Variants in RBFOX1 observed in about 807,000 individuals in gnomAD.
RBFOX1 encodes RNA binding protein fox-1 homolog 1.
A neutral mutation model predicts 57.7 loss-of-function variants in RBFOX1; 8 were observed. That is an observed-to-expected ratio of 0.14 (90% CI 0.08 to 0.25). The LOEUF (loss-of-function observed/expected upper bound fraction) is 0.25, where lower values mean the gene tolerates loss of function less well. Among genes scored for constraint, RBFOX1 ranks in the 10% least tolerant of loss-of-function variants. The probability of loss-of-function intolerance (pLI) is 1.00; values close to 1 mark genes in which losing one functional copy is unlikely to be tolerated. For synonymous variants in RBFOX1, 326 were observed against 222.4 expected, an observed-to-expected ratio of 1.47 and a Z score of -4.15; for missense variants, 611 against 548.5, an observed-to-expected ratio of 1.11 and a Z score of -1.14.
chr16:6,420,495 GA>G (rs768466259), intron 2 of RBFOX1, among the ~76,000 whole-genome samples: 9 of 152,278 alleles, frequency 5.9e-5, no homozygotes, highest in Admixed American at 2.0e-4. Flanking sequence ...CTTTTGAAGA[GA>G]TGTTAAGCCA....
chr16:5,270,353 G>C, intron 1 of RBFOX1: 1 of 1,054,224 alleles, frequency 9.5e-7, no homozygotes, highest in Non-Finnish European at 1.4e-6. Context: ...TGCATCTGAT[G>C]GTCTCAAGGG....
chr16:7,115,426 TA>T (rs1419401338), intron 4 of RBFOX1, among the ~76,000 whole-genome samples: 13 of 152,240 alleles, frequency 8.5e-5, no homozygotes, highest in Non-Finnish European at 1.6e-4. Flanking sequence ...TACCTATTGC[TA>T]TGTAATTACC....
chr16:6,454,448 T>C (rs537904862), intron 2 of RBFOX1, among the ~76,000 whole-genome samples: 135 of 152,106 alleles, frequency 8.9e-4, no homozygotes, highest in African/African-American at 2.8e-3. Context: ...TCCCAGCTAT[T>C]TGGGAGGCTG....
At chr16:6,553,254 A>G (rs554001755) in intron 2 of RBFOX1, among the ~76,000 whole-genome samples, 12 of 152,358 alleles carry the variant, frequency 7.9e-5, no homozygotes, top group Admixed American at 2.0e-4. Context: ...CTATAAATCA[A>G]TAGTTTCCAT....
At chr16:6,023,076 C>A (rs1439563701) in intron 1 of RBFOX1, among the ~76,000 whole-genome samples, 1 of 152,048 alleles carries the variant, frequency 6.6e-6, no homozygotes, top group Non-Finnish European at 1.5e-5. Flanking sequence ...ATTTGCTGAT[C>A]TAATCAACAG....
At chr16:6,119,977 T>G (rs1291646001) in intron 1 of RBFOX1, among the ~76,000 whole-genome samples, 1 of 152,230 alleles carries the variant, frequency 6.6e-6, no homozygotes, top group Non-Finnish European at 1.5e-5. Context: ...ATCACTAATC[T>G]GCTTTCTCTA....
rs1194512385 is a variant in RBFOX1 at position 7,038,840 on chromosome 16, A to G, written c.-15-13217A>G. Among the ~76,000 whole-genome samples the G allele has an allele frequency of 2.0e-5, 3 of 152,300 alleles. No homozygotes were observed. In the East Asian group the frequency reaches 5.8e-4, roughly 29 times the overall value. ...TCTTTACCAAGAGGGTGCATGGCAG[A>G]GCAAGTGTGAAAAGCACTTCCTCCC... On this transcript the variant is annotated intron_variant, in intron 3 of 15. Coordinates refer to ENST00000550418, the MANE Select transcript of RBFOX1 (RefSeq NM_018723.4).
chr16:7,222,924 T>C (rs1463515672), intron 4 of RBFOX1, among the ~76,000 whole-genome samples: 3 of 152,184 alleles, frequency 2.0e-5, no homozygotes, highest in African/African-American at 7.2e-5. Context: ...CAACCAGTCC[T>C]CTCATTTGCA....
chr16:5,601,432 G>T (rs1479388853), downstream of RBFOX1: 1 of 152,310 alleles, frequency 6.6e-6, no homozygotes, highest in Non-Finnish European at 1.5e-5. Flanking sequence ...GTGAATTCCT[G>T]TGTATCCCTT....
At chr16:6,770,363 GCCT>G in intron 3 of RBFOX1, among the ~76,000 whole-genome samples, 2 of 152,124 alleles carry the variant, frequency 1.3e-5, no homozygotes, top group African/African-American at 4.8e-5. Flanking sequence ...GAAAACTGCA[GCCT>G]GTGGGCCACA....
At chr16:6,211,387 C>A (rs1397033378) in intron 1 of RBFOX1, among the ~76,000 whole-genome samples, 1 of 151,956 alleles carries the variant, frequency 6.6e-6, no homozygotes, top group African/African-American at 2.4e-5. Flanking sequence ...CACCACCACA[C>A]CCGGCTAATT....
At chr16:6,929,151 C>G (rs2076110830) in intron 3 of RBFOX1, among the ~76,000 whole-genome samples, 1 of 152,088 alleles carries the variant, frequency 6.6e-6, no homozygotes, top group African/African-American at 2.4e-5. Flanking sequence ...CATCTCTTCT[C>G]CTGGATACCC....
At chr16:6,302,709 A>T (rs77049822) in intron 1 of RBFOX1, among the ~76,000 whole-genome samples, 1 of 152,152 alleles carries the variant, frequency 6.6e-6, no homozygotes, top group African/African-American at 2.4e-5. Flanking sequence ...AGAAGGTCTA[A>T]TCTCTTTCTT....
At chr16:7,569,794 G>A (rs938415571) in intron 5 of RBFOX1, among the ~76,000 whole-genome samples, 3 of 152,130 alleles carry the variant, frequency 2.0e-5, no homozygotes, top group Non-Finnish European at 4.4e-5. Flanking sequence ...CTTGAGCCTA[G>A]GAAGTTGGGA....
At chr16:7,428,098 A>G (rs923244424) in intron 4 of RBFOX1, among the ~76,000 whole-genome samples, 1 of 152,092 alleles carries the variant, frequency 6.6e-6, no homozygotes, top group African/African-American at 2.4e-5. Context: ...CCCCAGCTGC[A>G]TTTGTCATTT....
intron 2 of RBFOX1, among the ~76,000 whole-genome samples, chr16:6,613,362 C>T (rs867903510): frequency 6.6e-6 from 1 of 151,978 alleles, no homozygotes; most frequent in Non-Finnish European, 1.5e-5. Flanking sequence ...GTTCTTAGCA[C>T]ACAGAAAATC....
intron 4 of RBFOX1, among the ~76,000 whole-genome samples, chr16:7,447,673 C>G (rs1252219652): frequency 6.6e-6 from 1 of 152,178 alleles, no homozygotes; most frequent in Non-Finnish European, 1.5e-5. Context: ...CTCTTCCTGT[C>G]TATGAACCTC....
At chr16:6,204,104 G>A (rs1043832047) in intron 1 of RBFOX1, among the ~76,000 whole-genome samples, 47 of 151,686 alleles carry the variant, frequency 3.1e-4, no homozygotes, top group African/African-American at 1.1e-3. Flanking sequence ...TTAAGTACAG[G>A]GTGGGGAGAA....
intron 4 of RBFOX1, among the ~76,000 whole-genome samples, chr16:7,172,854 G>A (rs1258092235): frequency 6.6e-6 from 1 of 152,110 alleles, no homozygotes; most frequent in African/African-American, 2.4e-5. Flanking sequence ...GAGAACATGG[G>A]GAGATGGTTA....
Sources: allele counts gnomAD v4.1 joint callset (sites outside exome capture counted in the v4.1 genomes callset), GRCh38; gene constraint gnomAD v4.1.1; transcripts MANE v1.5; gene names NCBI Gene and HGNC (gene_info 2026-07-23, HGNC 2026-07-21).